Variants in CNTN5 observed in about 807,000 individuals in gnomAD.
The protein encoded by CNTN5 is contactin 5, also known as contactin-5.
In CNTN5, 77 loss-of-function variants were observed where a neutral mutation model predicts 129.1. The observed-to-expected ratio is 0.60, with a 90% confidence interval of 0.50 to 0.72. The LOEUF is 0.72. Among genes scored for constraint, CNTN5 ranks in the 30% least tolerant of loss-of-function variants. CNTN5 has a pLI of 0.00. For missense variants in CNTN5, 1,478 were observed against 1,328.8 expected (o/e 1.11, Z -1.75); for synonymous variants, 509 against 465.6 (o/e 1.09, Z -1.20).
intron 13 of CNTN5, among the ~76,000 whole-genome samples, chr11:100,075,186 T>G (rs2137893859): frequency 6.6e-6 from 1 of 152,292 alleles, no homozygotes; most frequent in South Asian, 2.1e-4. Flanking sequence ...TGAAACATTT[T>G]GAAAAATTTT....
intron 1 of CNTN5, among the ~76,000 whole-genome samples, chr11:99,161,514 C>T (rs531703639): frequency 6.6e-6 from 1 of 151,992 alleles, no homozygotes; most frequent in African/African-American, 2.4e-5. Flanking sequence ...TCTTTGAGCT[C>T]CCAAAACCAA....
chr11:99,554,686 A>C (rs572155080), intron 2 of CNTN5, among the ~76,000 whole-genome samples: 4 of 152,252 alleles, frequency 2.6e-5, no homozygotes, highest in African/African-American at 9.6e-5. Context: ...AAAAAGGTCA[A>C]TTTAATCATG....
intron 13 of CNTN5, among the ~76,000 whole-genome samples, chr11:100,163,322 T>A (rs1947521211): frequency 6.6e-6 from 1 of 151,768 alleles, no homozygotes; most frequent in African/African-American, 2.4e-5. Context: ...AACTTGTTTA[T>A]GTTTTTTTCT....
chr11:100,070,596 T>G, intron 11 of CNTN5, 36 bp downstream of exon 11: 1 of 1,604,558 alleles, frequency 6.2e-7, no homozygotes, highest in Non-Finnish European at 8.5e-7. Flanking sequence ...TCTGCTGTAA[T>G]TTTAGCGAGA....
chr11:99,853,314 A>G (rs1947932431), intron 6 of CNTN5, among the ~76,000 whole-genome samples: 2 of 152,144 alleles, frequency 1.3e-5, no homozygotes, highest in South Asian at 2.1e-4. Context: ...ACATAGATAT[A>G]CATAGAGCTA....
chr11:99,500,316 C>T (rs1303174729), intron 2 of CNTN5, among the ~76,000 whole-genome samples: 1 of 152,064 alleles, frequency 6.6e-6, no homozygotes, highest in Admixed American at 6.5e-5. Flanking sequence ...TTAAGGCACT[C>T]AAATTAATTC....
intron 2 of CNTN5, among the ~76,000 whole-genome samples, chr11:99,418,063 C>T (rs1180412730): frequency 6.6e-6 from 1 of 152,116 alleles, no homozygotes; most frequent in Non-Finnish European, 1.5e-5. Context: ...GTATCTAATG[C>T]ACTTCTCTTT....
At chr11:99,754,560 G>A in intron 3 of CNTN5, among the ~76,000 whole-genome samples, 1 of 152,234 alleles carries the variant, frequency 6.6e-6, no homozygotes, top group East Asian at 1.9e-4. Context: ...TGTGGTATAA[G>A]TTATAAGGAT....
intron 22 of CNTN5, 119 bp from the exon 23 acceptor site, chr11:100,340,974 A>T: frequency 1.4e-6 from 1 of 739,488 alleles, no homozygotes; most frequent in Non-Finnish European, 2.3e-6. Flanking sequence ...AGCTGGAAGG[A>T]AGCCTAGATT....
At chr11:99,393,072 C>A (rs756953455) in intron 2 of CNTN5, among the ~76,000 whole-genome samples, 1 of 151,638 alleles carries the variant, frequency 6.6e-6, no homozygotes, top group Non-Finnish European at 1.5e-5. Context: ...TATAGAAACC[C>A]AGAGATGAAA....
intron 9 of CNTN5, among the ~76,000 whole-genome samples, chr11:100,031,215 T>C (rs1341167971): frequency 2.0e-5 from 3 of 152,180 alleles, no homozygotes; most frequent in Admixed American, 6.5e-5. Context: ...CACGAAACTA[T>C]TGCTACGGAA....
At chr11:99,975,709 CT>C (rs1937908625) in intron 8 of CNTN5, among the ~76,000 whole-genome samples, 1 of 152,042 alleles carries the variant, frequency 6.6e-6, no homozygotes, top group African/African-American at 2.4e-5. Flanking sequence ...TACCACCCCC[CT>C]GATCCAATCA....
chr11:99,990,285 T>C (rs1938979938), intron 8 of CNTN5, among the ~76,000 whole-genome samples: 1 of 151,982 alleles, frequency 6.6e-6, no homozygotes, highest in Non-Finnish European at 1.5e-5. Flanking sequence ...CAGAAGAAAG[T>C]GATTATAGTG....
chr11:99,840,312 T>C (rs1428161247), intron 4 of CNTN5, among the ~76,000 whole-genome samples: 2 of 152,140 alleles, frequency 1.3e-5, no homozygotes, highest in Non-Finnish European at 2.9e-5. Flanking sequence ...GAGCTTGTTT[T>C]TGGTAAAAAA....
chr11:99,396,377 G>A (rs919466042), intron 2 of CNTN5, among the ~76,000 whole-genome samples: 6 of 151,358 alleles, frequency 4.0e-5, no homozygotes, highest in African/African-American at 1.5e-4. Flanking sequence ...GAAACTCTGT[G>A]GTCTAGGTTA....
chr11:99,142,495 T>A (rs1182796125), intron 1 of CNTN5, among the ~76,000 whole-genome samples: 1 of 152,024 alleles, frequency 6.6e-6, no homozygotes, highest in East Asian at 1.9e-4. Context: ...TAGTAGCTGC[T>A]GGGGAGTGAC....
At chr11:99,729,305 T>G (rs890454896) in intron 3 of CNTN5, among the ~76,000 whole-genome samples, 1 of 151,938 alleles carries the variant, frequency 6.6e-6, no homozygotes, top group Non-Finnish European at 1.5e-5. Flanking sequence ...GACATAACAT[T>G]TTTTTACCTT....
intron 3 of CNTN5, among the ~76,000 whole-genome samples, chr11:99,571,329 T>TCA (rs1336241551): frequency 6.6e-6 from 1 of 152,194 alleles, no homozygotes; most frequent in Non-Finnish European, 1.5e-5. Context: ...TTCAGCTGTA[T>TCA]CAATAATGCC....
chr11:99,416,993 G>A (rs1942686306), intron 2 of CNTN5, among the ~76,000 whole-genome samples: 1 of 152,136 alleles, frequency 6.6e-6, no homozygotes. Context: ...AACTCCAAGA[G>A]GCAGAGACTG....
Sources: gnomAD v4.1 joint callset for allele counts (sites outside exome capture counted in the v4.1 genomes callset) on GRCh38, gnomAD v4.1.1 for gene constraint, MANE v1.5 for transcripts, NCBI Gene and HGNC (gene_info 2026-07-23, HGNC 2026-07-21) for gene names.